Variants in STXBP4 observed in about 807,000 individuals in gnomAD.
STXBP4 encodes syntaxin binding protein 4.
Under a neutral mutation model 76.1 loss-of-function variants are expected in STXBP4, and 55 were observed. That is an observed-to-expected ratio of 0.72 (90% CI 0.58 to 0.91). STXBP4 has a LOEUF of 0.91. STXBP4 is among the 40% of genes least tolerant of loss of function. The pLI, the probability that STXBP4 is intolerant of heterozygous loss-of-function variation, is 0.00. For synonymous variants in STXBP4, 201 were observed against 220.2 expected, an observed-to-expected ratio of 0.91 and a Z score of 0.77; for missense variants, 618 against 636.9, an observed-to-expected ratio of 0.97 and a Z score of 0.32.
intron 14 of STXBP4, among the ~76,000 whole-genome samples, 177 bp downstream of exon 14, chr17:55,078,371 T>C (rs1259719579): frequency 6.6e-6 from 1 of 152,210 alleles, no homozygotes; most frequent in Non-Finnish European, 1.5e-5. Flanking sequence ...TAACATTTTA[T>C]AGATTGTTTA....
chr17:55,183,406 C>G, the STXBP4 span, among the ~76,000 whole-genome samples: 2 of 152,062 alleles, frequency 1.3e-5, no homozygotes, highest in Non-Finnish European at 2.9e-5. Flanking sequence ...GGCAAGACAG[C>G]AAGACCCAGT....
At chr17:55,143,937 AG>A (rs1372848704) in intron 17 of STXBP4, among the ~76,000 whole-genome samples, 1 of 151,928 alleles carries the variant, frequency 6.6e-6, no homozygotes, top group African/African-American at 2.4e-5. Context: ...GTAGTCATCA[AG>A]GTCACACAGT....
rs2080355061 is a variant in STXBP4 at position 55,163,493 on chromosome 17, C to A, written c.*3582C>A. The A allele has an allele frequency of 6.6e-6, 1 of 152,162 alleles. No homozygotes were observed. The allele number at this position is 152,162 out of a possible 1,614,324, so 9.4% of individuals were successfully genotyped here. A position where few individuals can be genotyped will look rare whatever the true frequency, so the allele number is the denominator to read the frequency against. On this transcript the variant is annotated 3_prime_UTR_variant, in exon 18 of 18. Coordinates refer to ENST00000376352, the MANE Select transcript of STXBP4 (RefSeq NM_178509.6). ...AGTACCAAGCACAATACAAATGCAT[C>A]TTCGAGTTCTTTGGGCCTCACTTTC...
intron 13 of STXBP4, among the ~76,000 whole-genome samples, chr17:55,073,371 G>GT (rs1020164219): frequency 1.3e-5 from 2 of 152,054 alleles, no homozygotes; most frequent in African/African-American, 4.8e-5. Flanking sequence ...GATTACATTG[G>GT]TTTTTTTCTT....
the STXBP4 span, among the ~76,000 whole-genome samples, chr17:55,191,996 CA>C: frequency 6.6e-6 from 1 of 152,126 alleles, no homozygotes; most frequent in South Asian, 2.1e-4. Context: ...TTACTATTAG[CA>C]GTTTATTATA....
chr17:54,982,075 C>T (rs956293161), intron 1 of STXBP4, among the ~76,000 whole-genome samples: 1 of 152,152 alleles, frequency 6.6e-6, no homozygotes. Context: ...ATTAGTACAA[C>T]CCTGACTGAG....
the STXBP4 span, among the ~76,000 whole-genome samples, chr17:55,208,591 A>AAGGAAGGAAGGAAGGAAGGAAGGAAGGG: frequency 6.8e-6 from 1 of 146,744 alleles, no homozygotes. Flanking sequence ...GGAAGGAAGG[A>AAGGAAGGAAGGAAGGAAGGAAGGAAGGG]AGGAAGGAAG....
At chr17:54,975,645 C>T (rs2077463316) in intron 1 of STXBP4, among the ~76,000 whole-genome samples, 2 of 152,138 alleles carry the variant, frequency 1.3e-5, no homozygotes, top group South Asian at 2.1e-4. Flanking sequence ...ATTCAGGTCT[C>T]CTGAGAATAG....
the STXBP4 span, among the ~76,000 whole-genome samples, chr17:55,201,558 A>G: frequency 6.6e-6 from 1 of 152,232 alleles, no homozygotes; most frequent in East Asian, 1.9e-4. Flanking sequence ...TAAGATACCT[A>G]GTAATTACAG....
rs1010942412 is a variant in STXBP4, at chr17:55,163,956, T to C, written c.*4045T>C. 3 of 152,646 alleles carry C rather than the reference T, an allele frequency of 2.0e-5. No homozygotes were observed. The highest frequency in any genetic ancestry group is 4.8e-5 in the African/African-American group (2 of 41,464). The allele number at this position is 152,646 out of a possible 1,614,324, so 9.5% of individuals were successfully genotyped here. On this transcript the variant is annotated 3_prime_UTR_variant, in exon 18 of 18. Transcript: ENST00000376352. ...TTGCACAATTAGAAAATGTTATCCT[T>C]TTTCTCGGGAGAAATGGGACATTTT... is the stretch of plus-strand genomic sequence containing the variant.
At chr17:55,010,065 T>A (rs1014794773) in intron 8 of STXBP4, among the ~76,000 whole-genome samples, 4 of 151,984 alleles carry the variant, frequency 2.6e-5, no homozygotes, top group African/African-American at 9.7e-5. Flanking sequence ...TAAAATAGTA[T>A]ATTTTTTAAT....
intron 17 of STXBP4, among the ~76,000 whole-genome samples, chr17:55,144,450 A>G (rs2080129029): frequency 6.6e-6 from 1 of 152,188 alleles, no homozygotes; most frequent in Non-Finnish European, 1.5e-5. Context: ...ATCCTTATGA[A>G]CATCCATCAT....
chr17:55,054,280 A>G (rs529086025), intron 12 of STXBP4, among the ~76,000 whole-genome samples: 19 of 152,200 alleles, frequency 1.2e-4, no homozygotes, highest in Non-Finnish European at 2.2e-4. Flanking sequence ...TGAGGCCAGA[A>G]GTTCAAAACC....
At chr17:55,110,297 C>T (rs1462672856) in intron 16 of STXBP4, among the ~76,000 whole-genome samples, 2 of 152,230 alleles carry the variant, frequency 1.3e-5, no homozygotes, top group East Asian at 1.9e-4. Context: ...TATCTACAAC[C>T]TTAATTTTCC....
chr17:55,022,828 T>C (rs1358966408), intron 8 of STXBP4, among the ~76,000 whole-genome samples: 1 of 152,212 alleles, frequency 6.6e-6, no homozygotes, highest in African/African-American at 2.4e-5. Context: ...GAAGGAGTGG[T>C]ACTAACGACG....
intron 16 of STXBP4, among the ~76,000 whole-genome samples, chr17:55,119,951 A>T (rs2079825562): frequency 6.6e-6 from 1 of 152,104 alleles, no homozygotes; most frequent in African/African-American, 2.4e-5. Flanking sequence ...CTTTGCTTTA[A>T]TTATACAGAA....
In STXBP4 at chr17:54,976,910, C is replaced by T. The variant is rs1260284527; in HGVS notation, c.-157+8095C>T. 2.0e-5 allele frequency among the ~76,000 whole-genome samples: 3 copies of T among 152,282 alleles called. 1 individual carries two copies. In the South Asian group the frequency reaches 6.2e-4, roughly 32 times the overall value. ...GCTGGCCTAACCAATCACTTGCTAC[C>T]TGTTGACCAACTCCTCTTCCTTACC... On this transcript the variant is annotated intron_variant, in intron 1 of 17. Coordinates refer to ENST00000376352, the MANE Select transcript of STXBP4 (RefSeq NM_178509.6).
chr17:55,091,586 GA>G (rs996943622), intron 16 of STXBP4, among the ~76,000 whole-genome samples: 1 of 151,538 alleles, frequency 6.6e-6, no homozygotes, highest in African/African-American at 2.4e-5. Context: ...GTCCCCAAGA[GA>G]AAAAAAACTA....
At chr17:55,183,577 A>G in the STXBP4 span, among the ~76,000 whole-genome samples, 2 of 152,232 alleles carry the variant, frequency 1.3e-5, no homozygotes, top group Non-Finnish European at 2.9e-5. Flanking sequence ...ATTGTAGGCA[A>G]AGATTGTCAG....
Sources: gnomAD v4.1 joint callset for allele counts (sites outside exome capture counted in the v4.1 genomes callset) on GRCh38, gnomAD v4.1.1 for gene constraint, MANE v1.5 for transcripts, NCBI Gene and HGNC (gene_info 2026-07-23, HGNC 2026-07-21) for gene names.